PDE12: variants seen among roughly 807,000 people sequenced by gnomAD.
The protein encoded by PDE12 is 2',5'-phosphodiesterase 12.
Under a neutral mutation model 45.4 loss-of-function variants are expected in PDE12, and 26 were observed. The ratio of observed to expected loss-of-function variants is 0.57; its 90% CI spans 0.42 to 0.79. PDE12 has a LOEUF of 0.79. Among genes scored for constraint, PDE12 ranks in the 30% least tolerant of loss-of-function variants. PDE12 has a pLI of 0.00. For missense variants in PDE12, 668 were observed against 790.0 expected, an observed-to-expected ratio of 0.85 and a Z score of 1.85; for synonymous variants, 283 against 323.9, an observed-to-expected ratio of 0.87 and a Z score of 1.36.
rs1333131392 is a variant in PDE12 at position 57,556,347 on chromosome 3, G to A, written c.-33G>A. ...CCTGACAGTAGGCCGCTGATCGGCC[G>A]CGGGTCTTGTCGACCGCTAGGCCAC... is the stretch of plus-strand genomic sequence containing the variant. On this transcript the variant is annotated 5_prime_UTR_variant, in exon 1 of 3. Transcript: ENST00000311180. The surrounding 1 kb of genome is among the most constrained non-coding windows in gnomAD (Gnocchi z 5.0). The A allele has an allele frequency of 6.6e-7, 1 of 1,524,244 alleles. No individual in the cohort carries two copies. The highest frequency in any genetic ancestry group is 8.8e-7 in the Non-Finnish European group (1 of 1,134,056). The allele number at this position is 1,524,244 out of a possible 1,614,324, so 94.4% of individuals were successfully genotyped here. A position where few individuals can be genotyped will look rare whatever the true frequency, so the allele number is the denominator to read the frequency against.
chr3:57,584,094 T>C, the PDE12 span: 4 of 909,342 alleles, frequency 4.4e-6, no homozygotes, highest in African/African-American at 6.8e-5. Flanking sequence ...AATAGTGTTT[T>C]TAAAGTACTT....
chr3:57,639,295 C>T, the PDE12 span, among the ~76,000 whole-genome samples: 1 of 152,126 alleles, frequency 6.6e-6, no homozygotes, highest in Non-Finnish European at 1.5e-5. Context: ...GAAATAGGAA[C>T]CCTCATACAT....
the PDE12 span, among the ~76,000 whole-genome samples, chr3:57,574,851 C>T: frequency 6.6e-5 from 10 of 151,800 alleles, no homozygotes; most frequent in Admixed American, 6.6e-4. Flanking sequence ...GACCCCCCAT[C>T]TCCACTTTTT....
chr3:57,564,530 A>G lies in PDE12; in HGVS notation c.*4526A>G, dbSNP rs1355626362. On this transcript the variant is annotated 3_prime_UTR_variant, in exon 3 of 3. Coordinates refer to ENST00000311180, the MANE Select transcript of PDE12 (RefSeq NM_177966.7). ...TGAAGTATTGATGTACTTTTTTTTT[A>G]GTGTATTGAAGTATTCCTAGGTTGC... 6.6e-6 allele frequency: 1 copy of G among 150,890 alleles called. No individual in the cohort carries two copies. Among genetic ancestry groups the G allele is most frequent in the Non-Finnish European group, 1.5e-5 (1 of 67,692 alleles). The allele number at this position is 150,890 out of a possible 1,614,324, so 9.3% of individuals were successfully genotyped here. A position where few individuals can be genotyped will look rare whatever the true frequency, so the allele number is the denominator to read the frequency against.
At chr3:57,580,578 A>T in the PDE12 span, among the ~76,000 whole-genome samples, 5 of 150,800 alleles carry the variant, frequency 3.3e-5, no homozygotes, top group African/African-American at 9.7e-5. Flanking sequence ...ATTTTTTTTT[A>T]ATTTTTTTTT....
Position 57,564,906 on chromosome 3 carries a change from T to C in PDE12, c.*4902T>C, listed in dbSNP as rs891989808. On this transcript the variant is annotated 3_prime_UTR_variant, in exon 3 of 3. Coordinates refer to ENST00000311180, the MANE Select transcript of PDE12 (RefSeq NM_177966.7). Reference sequence around the variant, plus strand: ...ATGTTGCCCAGGCTGGTCTTGAAATTCTCAGTTCAAGCAGTCCACCCACCT... The same window carrying C: ...ATGTTGCCCAGGCTGGTCTTGAAATCCTCAGTTCAAGCAGTCCACCCACCT... 1.1e-4 allele frequency: 17 copies of C among 149,920 alleles called. No individual in the cohort carries two copies. Among genetic ancestry groups the C allele is most frequent in the African/African-American group, 3.9e-4 (16 of 40,894 alleles). 9.3% of individuals were successfully genotyped at this position (149,920 alleles called of 1,614,324 possible).
chr3:57,599,019 CAT>C, the PDE12 span, among the ~76,000 whole-genome samples: 1 of 152,182 alleles, frequency 6.6e-6, no homozygotes, highest in South Asian at 2.1e-4. Flanking sequence ...GCGTCCATGA[CAT>C]AGCCTCAGGA....
the PDE12 span, among the ~76,000 whole-genome samples, chr3:57,642,110 C>T: frequency 2.6e-5 from 4 of 151,842 alleles, no homozygotes; most frequent in East Asian, 3.9e-4. Context: ...GTTAGGAGTT[C>T]GAGGCCAACC....
chr3:57,626,038 C>A, the PDE12 span: 1 of 152,534 alleles, frequency 6.6e-6, no homozygotes, highest in Non-Finnish European at 1.5e-5. Context: ...TAAGGTTTCC[C>A]AGAAAGTTAT....
the PDE12 span, among the ~76,000 whole-genome samples, chr3:57,588,329 C>G: frequency 6.6e-6 from 1 of 152,236 alleles, no homozygotes; most frequent in Non-Finnish European, 1.5e-5. Context: ...CTTTGGGAGG[C>G]TGAGGCAGGC....
rs2153407772 is a variant in PDE12, at chr3:57,564,667, T to A, written c.*4663T>A. 6.6e-6 allele frequency: 1 copy of A among 151,444 alleles called. No individual in the cohort carries two copies. 9.4% of individuals were successfully genotyped at this position (151,444 alleles called of 1,614,324 possible). On this transcript the variant is annotated 3_prime_UTR_variant, in exon 3 of 3. Transcript: ENST00000311180. ...TTCTTATACTGGATAATATAAACAC[T>A]TTTTTTTTCTTTTTTGAGACAGGGT...
At chr3:57,635,770 C>T in the PDE12 span, among the ~76,000 whole-genome samples, 2 of 152,088 alleles carry the variant, frequency 1.3e-5, no homozygotes, top group African/African-American at 2.4e-5. Context: ...AAACTTTTTA[C>T]TTTGAAGTAC....
the PDE12 span, among the ~76,000 whole-genome samples, chr3:57,642,738 C>T: frequency 1.3e-3 from 192 of 152,114 alleles, no homozygotes; most frequent in African/African-American, 4.0e-3. Context: ...GGCGCGGTGG[C>T]TCACGCCTGT....
chr3:57,650,704 T>G, the PDE12 span, among the ~76,000 whole-genome samples: 1 of 151,828 alleles, frequency 6.6e-6, no homozygotes, highest in Non-Finnish European at 1.5e-5. Context: ...GTAGCATTAT[T>G]CATAATAACC....
At chr3:57,597,954 C>T in the PDE12 span, 1 of 152,222 alleles carries the variant, frequency 6.6e-6, no homozygotes, top group African/African-American at 2.4e-5. Flanking sequence ...GGGCTAGACG[C>T]TTCGACCACC....
chr3:57,613,200 C>G, the PDE12 span, among the ~76,000 whole-genome samples: 1 of 149,948 alleles, frequency 6.7e-6, no homozygotes, highest in Non-Finnish European at 1.5e-5. Context: ...AGGCTGGTCT[C>G]AAACTCCTGA....
the PDE12 span, among the ~76,000 whole-genome samples, chr3:57,617,256 T>C: frequency 0.013 from 1,989 of 151,384 alleles, 49 homozygotes; most frequent in African/African-American, 0.045. Flanking sequence ...AATTTAAAAA[T>C]TAGCCAGGTG....
chr3:57,606,951 AAGTGG>A, the PDE12 span, among the ~76,000 whole-genome samples: 1 of 152,148 alleles, frequency 6.6e-6, no homozygotes, highest in South Asian at 2.1e-4. Context: ...CTGCCTACTC[AAGTGG>A]GTCCCTGACC....
Position 57,565,176 on chromosome 3 carries a change from T to TG in PDE12, c.*5177dup, listed in dbSNP as rs906120573. ...TAATTTTTTAAATTGTTTGTAGAGATGGGGGTCTCTCTATGTTGCCCAGAC... is the reference window on the plus strand; with the variant it reads ...TAATTTTTTAAATTGTTTGTAGAGATGGGGGGTCTCTCTATGTTGCCCAGAC... On this transcript the variant is annotated 3_prime_UTR_variant, in exon 3 of 3. Transcript: ENST00000311180. The TG allele has an allele frequency of 6.6e-6, 1 of 151,912 alleles. No homozygotes were observed. The highest frequency in any genetic ancestry group is 6.6e-5 in the Admixed American group (1 of 15,252). 9.4% of individuals were successfully genotyped at this position (151,912 alleles called of 1,614,324 possible).
Sources: allele counts gnomAD v4.1 joint callset (sites outside exome capture counted in the v4.1 genomes callset), GRCh38; gene constraint gnomAD v4.1.1; non-coding constraint Gnocchi (gnomAD v3.1); transcripts MANE v1.5; gene names NCBI Gene and HGNC (gene_info 2026-07-23, HGNC 2026-07-21).